The following ROR2 variants were observed in gnomAD, a reference collection of about 807,000 sequenced individuals.
ROR2 encodes the protein tyrosine-protein kinase transmembrane receptor ROR2.
A neutral mutation model predicts 74.9 loss-of-function variants in ROR2; 33 were observed. The ratio of observed to expected loss-of-function variants is 0.44; its 90% confidence interval spans 0.33 to 0.59. The LOEUF (loss-of-function observed/expected upper bound fraction) is 0.59, where lower values mean the gene tolerates loss of function less well. Among genes scored for constraint, ROR2 ranks in the 20% least tolerant of loss-of-function variants. The pLI is 0.02. For synonymous variants in ROR2, 586 were observed against 558.7 expected (o/e 1.05, Z -0.69); for missense variants, 1,216 against 1,313.8 (o/e 0.93, Z 1.15).
chr9:91,779,056 T>C (rs1826518315), intron 1 of ROR2, among the ~76,000 whole-genome samples: 1 of 152,126 alleles, frequency 6.6e-6, no homozygotes, highest in African/African-American at 2.4e-5. Context: ...GTCAGGACCC[T>C]GGAACAGAAA....
chr9:91,747,708 G>GTTT, intron 4 of ROR2, among the ~76,000 whole-genome samples: 1 of 151,736 alleles, frequency 6.6e-6, no homozygotes, highest in African/African-American at 2.4e-5. Context: ...TCCTATCTTT[G>GTTT]GTTAAGGTCC....
chr9:91,729,722 T>G (rs1393737214), intron 7 of ROR2, among the ~76,000 whole-genome samples: 2 of 152,292 alleles, frequency 1.3e-5, no homozygotes, highest in African/African-American at 4.8e-5. Flanking sequence ...GAACCGGGCA[T>G]GACTAAGACA....
Position 91,847,679 on chromosome 9 carries a change from G to A in ROR2, c.98-71861C>T, listed in dbSNP as rs76582853. On this transcript the variant is annotated intron_variant, in intron 1 of 8. Coordinates refer to ENST00000375708, the MANE Select transcript of ROR2 (RefSeq NM_004560.4). The stretch of plus-strand genomic sequence containing the variant: ...GTGCAGCCTGCCAGGGCTGAGGGTC[G>A]AGAGCAGGCCTGAGAATGAACCCCA... Among the ~76,000 whole-genome samples, 1,424 of 152,234 alleles carry A rather than the reference G, an allele frequency of 9.4e-3. 25 individuals are homozygous for A. The highest frequency in any genetic ancestry group is 0.032 in the African/African-American group (1,330 of 41,550).
intron 1 of ROR2, among the ~76,000 whole-genome samples, chr9:91,920,477 G>C (rs1451094188): frequency 6.6e-6 from 1 of 152,202 alleles, no homozygotes; most frequent in Non-Finnish European, 1.5e-5. Context: ...CTGCACTCCA[G>C]CCTGGGTAAC....
chr9:91,782,424 A>G (rs910681603), intron 1 of ROR2, among the ~76,000 whole-genome samples: 5 of 152,090 alleles, frequency 3.3e-5, no homozygotes, highest in African/African-American at 9.7e-5. Context: ...CTGATTAGAA[A>G]AGAAACTGCA....
chr9:91,910,986 T>C (rs935422037), intron 1 of ROR2, among the ~76,000 whole-genome samples: 1 of 152,178 alleles, frequency 6.6e-6, no homozygotes, highest in African/African-American at 2.4e-5. Flanking sequence ...CTTTTAATAA[T>C]ATAGAATGAT....
intron 1 of ROR2, among the ~76,000 whole-genome samples, chr9:91,788,375 T>C (rs1826864296): frequency 6.6e-6 from 1 of 152,182 alleles, no homozygotes; most frequent in Non-Finnish European, 1.5e-5. Context: ...AACTCCAAGT[T>C]GGATAAACTC....
chr9:91,785,638 C>T (rs1826771413), intron 1 of ROR2, among the ~76,000 whole-genome samples: 1 of 152,222 alleles, frequency 6.6e-6, no homozygotes, highest in Non-Finnish European at 1.5e-5. Flanking sequence ...GGGGCCAGGA[C>T]TCATATCTGC....
chr9:91,774,106 A>C (rs1564267169), intron 2 of ROR2, among the ~76,000 whole-genome samples: 1 of 152,234 alleles, frequency 6.6e-6, no homozygotes, highest in Non-Finnish European at 1.5e-5. Context: ...AAAGAAGTTG[A>C]GAATCTAACC....
intron 1 of ROR2, among the ~76,000 whole-genome samples, chr9:91,799,372 G>T (rs916921361): frequency 1.4e-4 from 21 of 152,166 alleles, no homozygotes; most frequent in African/African-American, 3.9e-4. Context: ...TCCCAAGTGT[G>T]GACAGTGCCG....
chr9:91,775,924 T>C, intron 1 of ROR2, 106 bp from the exon 2 acceptor site: 1 of 898,418 alleles, frequency 1.1e-6, no homozygotes, highest in South Asian at 1.4e-5. Flanking sequence ...CTACCCAGTA[T>C]TTGTAGAAAA....
intron 1 of ROR2, among the ~76,000 whole-genome samples, chr9:91,869,698 C>T (rs1264602040): frequency 1.3e-5 from 2 of 152,160 alleles, no homozygotes; most frequent in Non-Finnish European, 2.9e-5. Flanking sequence ...AGAGGTACCA[C>T]AAGGCAGCTG....
intron 1 of ROR2, among the ~76,000 whole-genome samples, chr9:91,841,488 G>T (rs1432985632): frequency 6.6e-6 from 1 of 152,210 alleles, no homozygotes; most frequent in African/African-American, 2.4e-5. Flanking sequence ...AAGGCCGGAA[G>T]CTCTTCAAAG....
intron 1 of ROR2, among the ~76,000 whole-genome samples, chr9:91,836,336 T>C (rs1163876346): frequency 1.3e-5 from 2 of 152,030 alleles, no homozygotes; most frequent in Non-Finnish European, 2.9e-5. Context: ...GGTCAGGAGT[T>C]CGAAGCCAGC....
chr9:91,745,595 T>C (rs1825386902), intron 4 of ROR2, among the ~76,000 whole-genome samples: 1 of 151,804 alleles, frequency 6.6e-6, no homozygotes, highest in South Asian at 2.1e-4. Flanking sequence ...CTGGCTAATT[T>C]TTCTATTTTT....
chr9:91,946,777 C>T (rs1240266402), intron 1 of ROR2, among the ~76,000 whole-genome samples: 1 of 152,204 alleles, frequency 6.6e-6, no homozygotes, highest in East Asian at 1.9e-4. Context: ...CTTTTCCCAT[C>T]CTGGCCTCTC....
At chr9:91,934,424 C>T (rs1430730677) in intron 1 of ROR2, among the ~76,000 whole-genome samples, 1 of 152,178 alleles carries the variant, frequency 6.6e-6, no homozygotes, top group Admixed American at 6.5e-5. Context: ...TTGGCCCCAG[C>T]CAAAACTCCC....
At chr9:91,766,512 C>A (rs1184039848) in intron 2 of ROR2, among the ~76,000 whole-genome samples, 1 of 152,174 alleles carries the variant, frequency 6.6e-6, no homozygotes. Flanking sequence ...TCTGGTCCAC[C>A]ATTTTCAACG....
chr9:91,886,020 T>C (rs6479379), intron 1 of ROR2, among the ~76,000 whole-genome samples: 63,371 of 151,276 alleles, frequency 0.42, 15,383 homozygotes, highest in African/African-American at 0.66. Context: ...GGATTACAGG[T>C]GTGCACCACT....
Sources: allele counts gnomAD v4.1 joint callset (sites outside exome capture counted in the v4.1 genomes callset), GRCh38; gene constraint gnomAD v4.1.1; transcripts MANE v1.5; gene names NCBI Gene and HGNC (gene_info 2026-07-23, HGNC 2026-07-21).